The following POC1B variants were observed in gnomAD, a reference collection of about 807,000 sequenced individuals.
POC1B encodes the protein POC1 centriolar protein homolog B.
In POC1B, 44 loss-of-function variants were observed where a neutral mutation model predicts 60.6. That is an observed-to-expected ratio of 0.73 (90% CI 0.57 to 0.93). The LOEUF is 0.93. POC1B is among the 40% of genes least tolerant of loss of function. POC1B has a pLI of 0.00. For synonymous variants in POC1B, 180 were observed against 198.9 expected, an observed-to-expected ratio of 0.90 and a Z score of 0.80; for missense variants, 555 against 572.3, an observed-to-expected ratio of 0.97 and a Z score of 0.31.
chr12:89,515,564 G>A (rs1325368145), intron 2 of POC1B, among the ~76,000 whole-genome samples: 1 of 152,154 alleles, frequency 6.6e-6, no homozygotes, highest in East Asian at 1.9e-4. Context: ...AGGACAGGGA[G>A]TCAGCCAAAT....
At chr12:89,502,047 T>C (rs920808033) in intron 2 of POC1B, 1 of 984,254 alleles carries the variant, frequency 1.0e-6, no homozygotes, top group Non-Finnish European at 1.7e-6. Context: ...ATATTATGAC[T>C]GCACAGAATG....
At chr12:89,430,919 C>A (rs1393214916) in intron 10 of POC1B, among the ~76,000 whole-genome samples, 1 of 151,422 alleles carries the variant, frequency 6.6e-6, no homozygotes, top group African/African-American at 2.4e-5. Flanking sequence ...AGAAATATTA[C>A]CCCCCAAAGT....
At chr12:89,510,941 G>C (rs747345383) in intron 2 of POC1B, among the ~76,000 whole-genome samples, 4 of 151,614 alleles carry the variant, frequency 2.6e-5, no homozygotes, top group Non-Finnish European at 5.9e-5. Context: ...ATTTAGTACA[G>C]ACAGGGTTTC....
At chr12:89,403,080 T>C in the POC1B span, among the ~76,000 whole-genome samples, 1 of 152,008 alleles carries the variant, frequency 6.6e-6, no homozygotes, top group South Asian at 2.1e-4. Flanking sequence ...CCATCTCGGC[T>C]CACTGCAACC....
At chr12:89,436,623 A>C (rs1261780477) in intron 10 of POC1B, among the ~76,000 whole-genome samples, 1 of 152,164 alleles carries the variant, frequency 6.6e-6, no homozygotes, top group Non-Finnish European at 1.5e-5. Context: ...CTGAGGCAGA[A>C]GAATCACTTG....
chr12:89,434,769 T>C (rs574209910), intron 10 of POC1B, among the ~76,000 whole-genome samples: 1 of 152,186 alleles, frequency 6.6e-6, no homozygotes, highest in African/African-American at 2.4e-5. Context: ...ATCTGTTCCA[T>C]AACAAATTCA....
chr12:89,501,327 A>C (rs1465400294), intron 2 of POC1B: 11 of 1,003,546 alleles, frequency 1.1e-5, no homozygotes, highest in Non-Finnish European at 1.7e-5. Flanking sequence ...AGAATGCAGA[A>C]AAATCATCTG....
chr12:89,487,346 A>G (rs1219155834), intron 4 of POC1B, among the ~76,000 whole-genome samples: 1 of 152,178 alleles, frequency 6.6e-6, no homozygotes, highest in Non-Finnish European at 1.5e-5. Context: ...AGGCAGACAG[A>G]AGTGCAGAGT....
At chr12:89,502,587 T>C in intron 2 of POC1B, 3 of 1,232,064 alleles carry the variant, frequency 2.4e-6, no homozygotes, top group Non-Finnish European at 2.4e-6. Context: ...CAGCCAGCAA[T>C]GGTAAAGGAC....
chr12:89,446,496 G>T (rs926014760), intron 10 of POC1B, among the ~76,000 whole-genome samples: 1 of 152,094 alleles, frequency 6.6e-6, no homozygotes, highest in African/African-American at 2.4e-5. Context: ...GCAAACTATT[G>T]CAAGGACAGA....
At chr12:89,524,931 G>A in intron 2 of POC1B, 189 bp downstream of exon 2, 1 of 925,224 alleles carries the variant, frequency 1.1e-6, no homozygotes, top group Non-Finnish European at 1.6e-6. Context: ...CCGGGCCGGG[G>A]GCTGGGGGCC....
In POC1B at chr12:89,526,044, A is replaced by T. The variant is rs748043426; in HGVS notation, c.-149T>A. The T allele has an allele frequency of 6.5e-7, 1 of 1,533,946 alleles. No homozygotes were observed. The highest frequency in any genetic ancestry group is 1.2e-5 in the South Asian group (1 of 83,658). ...CCGGTCACTACAACAACGGCGGCCC[A>T]GTCAAACCCCGCGCTCCAGGCATGG... On this transcript the variant is annotated 5_prime_UTR_variant, in exon 1 of 12. Transcript: ENST00000313546.
intron 4 of POC1B, among the ~76,000 whole-genome samples, chr12:89,484,160 T>C (rs976339237): frequency 1.3e-5 from 2 of 151,976 alleles, no homozygotes; most frequent in African/African-American, 4.8e-5. Flanking sequence ...AAGAATAAAA[T>C]AGATGAGTAG....
intron 10 of POC1B, among the ~76,000 whole-genome samples, chr12:89,444,580 A>C (rs565895580): frequency 6.6e-6 from 1 of 152,338 alleles, no homozygotes; most frequent in Non-Finnish European, 1.5e-5. Context: ...AACTCTCAAT[A>C]AACTACGTAT....
chr12:89,501,664 C>A, intron 2 of POC1B: 1 of 1,113,356 alleles, frequency 9.0e-7, no homozygotes, highest in Non-Finnish European at 1.4e-6. Flanking sequence ...CACGAGAAGT[C>A]GAAGAATTTC....
chr12:89,468,887 C>CAAAAAA (rs34619938), intron 7 of POC1B, among the ~76,000 whole-genome samples: 1 of 149,528 alleles, frequency 6.7e-6, no homozygotes. Context: ...GGAAGTACCT[C>CAAAAAA]AAAAAAAAAA....
chr12:89,409,894 C>T, the POC1B span, among the ~76,000 whole-genome samples: 5 of 152,140 alleles, frequency 3.3e-5, no homozygotes, highest in Admixed American at 6.5e-5. Context: ...GATCTGGTAC[C>T]ACTCCTTCTG....
At chr12:89,416,195 G>A (rs1300424134), downstream of POC1B, among the ~76,000 whole-genome samples, 1 of 152,250 alleles carries the variant, frequency 6.6e-6, no homozygotes, top group Non-Finnish European at 1.5e-5. Context: ...AGGCAGAGCT[G>A]CAACTGTATT....
intron 4 of POC1B, among the ~76,000 whole-genome samples, chr12:89,477,635 C>T (rs979958025): frequency 4.6e-5 from 7 of 152,148 alleles, no homozygotes; most frequent in African/African-American, 1.7e-4. Flanking sequence ...TCTACTTCCC[C>T]ACATTCCAAT....
Sources: gnomAD v4.1 joint callset for allele counts (sites outside exome capture counted in the v4.1 genomes callset) on GRCh38, gnomAD v4.1.1 for gene constraint, MANE v1.5 for transcripts, NCBI Gene and HGNC (gene_info 2026-07-23, HGNC 2026-07-21) for gene names.